The following NCKAP5 variants were observed in gnomAD, a reference collection of about 807,000 sequenced individuals.
The protein encoded by NCKAP5 is nck-associated protein 5.
In NCKAP5, 92 loss-of-function variants were observed where a neutral mutation model predicts 167.0. The observed-to-expected ratio is 0.55, with a 90% CI of 0.47 to 0.66. The LOEUF is 0.66. NCKAP5 is among the 30% of genes least tolerant of loss of function. NCKAP5 has a pLI of 0.00. For missense variants in NCKAP5, 2,378 were observed against 2,315.0 expected (o/e 1.03, Z -0.56); for synonymous variants, 891 against 877.4 (o/e 1.02, Z -0.27).
At chr2:133,199,144 C>G (rs1275180606) in intron 5 of NCKAP5, among the ~76,000 whole-genome samples, 1 of 151,856 alleles carries the variant, frequency 6.6e-6, no homozygotes, top group African/African-American at 2.4e-5. Context: ...AAATCTAAAA[C>G]TATAAAACTT....
At position 132,824,601 on chromosome 2, in the gene NCKAP5, C is replaced by T. The variant is rs1460462297; in HGVS notation, c.808-27872G>A. On this transcript the variant is annotated intron_variant, in intron 11 of 19. Transcript: ENST00000409261. Reference sequence around the variant, plus strand: ...TGTGTATGGTGGTCACAAGTGCTGCCTATCACATAAATCTAGCTCTCTTTC... The same window carrying T: ...TGTGTATGGTGGTCACAAGTGCTGCTTATCACATAAATCTAGCTCTCTTTC... Among the ~76,000 whole-genome samples the T allele has an allele frequency of 2.0e-5, 3 of 152,220 alleles. 1 individual carries two copies. Among genetic ancestry groups the T allele is most frequent in the Non-Finnish European group, 4.4e-5 (3 of 68,044 alleles).
intron 5 of NCKAP5, among the ~76,000 whole-genome samples, chr2:133,180,337 T>TTTTC (rs1011584774): frequency 6.6e-6 from 1 of 152,086 alleles, no homozygotes; most frequent in African/African-American, 2.4e-5. Flanking sequence ...TTTCCTTTTC[T>TTTTC]TTTCTTTCTT....
chr2:133,159,792 G>A (rs1488193599), intron 5 of NCKAP5, among the ~76,000 whole-genome samples: 6 of 152,148 alleles, frequency 3.9e-5, no homozygotes, highest in Admixed American at 2.0e-4. Context: ...ACAGGCACAA[G>A]CAAGTTGGAA....
chr2:133,636,013 TA>T, the NCKAP5 span, among the ~76,000 whole-genome samples: 2 of 152,222 alleles, frequency 1.3e-5, no homozygotes, highest in African/African-American at 4.8e-5. Context: ...ATTTTGAGCT[TA>T]TGAACAGTAG....
At chr2:132,890,529 CT>C (rs1318279846) in intron 8 of NCKAP5, among the ~76,000 whole-genome samples, 2 of 152,200 alleles carry the variant, frequency 1.3e-5, no homozygotes, top group African/African-American at 4.8e-5. Context: ...GTTTTGAAAG[CT>C]GTTTAAAAAC....
At chr2:133,468,711 A>T (rs555242108) in intron 3 of NCKAP5, among the ~76,000 whole-genome samples, 1 of 152,320 alleles carries the variant, frequency 6.6e-6, no homozygotes, top group African/African-American at 2.4e-5. Flanking sequence ...GGGTGCATAT[A>T]TATTTAGGAT....
At chr2:133,656,216 C>T in the NCKAP5 span, among the ~76,000 whole-genome samples, 2 of 151,644 alleles carry the variant, frequency 1.3e-5, no homozygotes, top group Admixed American at 1.3e-4. Flanking sequence ...TGACCTTGGG[C>T]AAGTTATTCA....
chr2:132,765,882 G>T (rs72844799), intron 16 of NCKAP5, among the ~76,000 whole-genome samples: 14,312 of 152,150 alleles, frequency 0.094, 752 homozygotes, highest in East Asian at 0.13. Flanking sequence ...TTCTTAAAAC[G>T]ATAAGCCATG....
intron 6 of NCKAP5, among the ~76,000 whole-genome samples, chr2:133,109,431 G>A (rs573708592): frequency 1.3e-5 from 2 of 152,254 alleles, no homozygotes; most frequent in South Asian, 4.1e-4. Flanking sequence ...AGAGTTATGA[G>A]AATTATATTT....
At chr2:133,461,236 G>A (rs1574994013) in intron 3 of NCKAP5, among the ~76,000 whole-genome samples, 1 of 151,986 alleles carries the variant, frequency 6.6e-6, no homozygotes, top group African/African-American at 2.4e-5. Context: ...GTGAAGTCAT[G>A]GATAACTTTT....
intron 3 of NCKAP5, among the ~76,000 whole-genome samples, chr2:133,371,634 C>T (rs2304404): frequency 0.26 from 39,303 of 152,036 alleles, 5,942 homozygotes; most frequent in African/African-American, 0.43. Context: ...TTCTTTCATA[C>T]ACAATCTGCT....
At chr2:133,302,970 T>C in intron 4 of NCKAP5, 67 bp downstream of exon 4, 1 of 1,100,300 alleles carries the variant, frequency 9.1e-7, no homozygotes, top group East Asian at 2.6e-5. Context: ...AACTGAAATA[T>C]TTTAGATCAG....
chr2:133,106,610 A>G (rs1374287806), intron 6 of NCKAP5, among the ~76,000 whole-genome samples: 3 of 152,190 alleles, frequency 2.0e-5, no homozygotes, highest in Admixed American at 6.5e-5. Context: ...GAGTTAAGTC[A>G]TTTCTAAGTA....
intron 4 of NCKAP5, among the ~76,000 whole-genome samples, chr2:133,246,887 G>T (rs558154537): frequency 1.2e-3 from 188 of 152,218 alleles, no homozygotes; most frequent in Non-Finnish European, 2.0e-3. Context: ...ACCCTCCCCA[G>T]GTTGTGCTTC....
intron 3 of NCKAP5, among the ~76,000 whole-genome samples, chr2:133,444,407 GATAT>G (rs139030527): frequency 9.9e-5 from 12 of 121,650 alleles, no homozygotes; most frequent in South Asian, 2.8e-4. Context: ...TAGATAGATA[GATAT>G]AGATATAGAT....
At chr2:132,821,283 G>A (rs756589978) in intron 11 of NCKAP5, among the ~76,000 whole-genome samples, 7 of 152,286 alleles carry the variant, frequency 4.6e-5, no homozygotes, top group African/African-American at 1.2e-4. Flanking sequence ...GATCACCCAC[G>A]GGAGAAGGAT....
chr2:132,972,170 T>C (rs2076854785), intron 7 of NCKAP5, among the ~76,000 whole-genome samples: 1 of 152,332 alleles, frequency 6.6e-6, no homozygotes, highest in South Asian at 2.1e-4. Flanking sequence ...TATAGCTTGC[T>C]AACCCTACTT....
intron 8 of NCKAP5, among the ~76,000 whole-genome samples, chr2:132,962,943 A>G (rs998881615): frequency 6.6e-6 from 1 of 152,116 alleles, no homozygotes. Flanking sequence ...TGTAGACTCT[A>G]TGGTAGAACT....
intron 3 of NCKAP5, among the ~76,000 whole-genome samples, chr2:133,516,389 A>G (rs1164049048): frequency 1.3e-5 from 2 of 152,122 alleles, no homozygotes; most frequent in African/African-American, 4.8e-5. Context: ...AAATACACCA[A>G]AGTTGGCCTC....
Sources: allele counts gnomAD v4.1 joint callset (sites outside exome capture counted in the v4.1 genomes callset), GRCh38; gene constraint gnomAD v4.1.1; transcripts MANE v1.5; gene names NCBI Gene and HGNC (gene_info 2026-07-23, HGNC 2026-07-21).